Variants in SEMA5A observed in about 807,000 individuals in gnomAD.
SEMA5A encodes semaphorin-5A.
In SEMA5A, 55 loss-of-function variants were observed where a neutral mutation model predicts 135.5. That is an observed-to-expected ratio of 0.41 (90% CI 0.33 to 0.51). The LOEUF (loss-of-function observed/expected upper bound fraction) is 0.51, where lower values mean the gene tolerates loss of function less well. Ranked by LOEUF, SEMA5A falls within the 20% of genes least tolerant of loss-of-function variation. The pLI is 0.37. For synonymous variants in SEMA5A, 580 were observed against 546.5 expected (o/e 1.06, Z -0.85); for missense variants, 1,290 against 1,419.9 (o/e 0.91, Z 1.47).
chr5:9,501,272 G>C (rs1232782743), intron 1 of SEMA5A, among the ~76,000 whole-genome samples: 1 of 152,126 alleles, frequency 6.6e-6, no homozygotes, highest in Non-Finnish European at 1.5e-5. Flanking sequence ...GAAAACTAAA[G>C]TCTATGCTTA....
chr5:9,300,476 C>T (rs749845039), intron 5 of SEMA5A, among the ~76,000 whole-genome samples: 2 of 152,174 alleles, frequency 1.3e-5, no homozygotes, highest in Admixed American at 6.5e-5. Flanking sequence ...ACAAATCTTA[C>T]AGCCATAATA....
intron 5 of SEMA5A, among the ~76,000 whole-genome samples, chr5:9,285,445 A>G (rs10061591): frequency 0.01 from 1,572 of 152,312 alleles, 20 homozygotes; most frequent in African/African-American, 0.032. Flanking sequence ...TTCCTCCCCA[A>G]AGAAACATGG....
At chr5:9,101,356 C>A (rs1739623336) in intron 16 of SEMA5A, among the ~76,000 whole-genome samples, 1 of 152,166 alleles carries the variant, frequency 6.6e-6, no homozygotes, top group African/African-American at 2.4e-5. Flanking sequence ...CATCTCGCTT[C>A]TTTGCTCCAA....
At chr5:9,476,722 T>C (rs1759680234) in intron 1 of SEMA5A, among the ~76,000 whole-genome samples, 1 of 152,192 alleles carries the variant, frequency 6.6e-6, no homozygotes, top group Non-Finnish European at 1.5e-5. Flanking sequence ...TACTTTTCCA[T>C]CATCTTTACC....
intron 1 of SEMA5A, among the ~76,000 whole-genome samples, chr5:9,499,228 T>C (rs1423416559): frequency 6.6e-6 from 1 of 152,200 alleles, no homozygotes; most frequent in Non-Finnish European, 1.5e-5. Context: ...CAAACCTTTA[T>C]GGAGCACTTG....
chr5:9,403,243 T>C (rs1231005287), intron 2 of SEMA5A, among the ~76,000 whole-genome samples: 1 of 152,212 alleles, frequency 6.6e-6, no homozygotes, highest in African/African-American at 2.4e-5. Context: ...GTGATATAAC[T>C]GTTTATGAAT....
intron 13 of SEMA5A, among the ~76,000 whole-genome samples, chr5:9,135,676 G>C (rs558562116): frequency 6.6e-6 from 1 of 152,120 alleles, no homozygotes; most frequent in Admixed American, 6.5e-5. Flanking sequence ...CAGAACTGAT[G>C]GGCAGAGATC....
intron 3 of SEMA5A, among the ~76,000 whole-genome samples, chr5:9,365,210 T>A (rs1754862995): frequency 6.6e-6 from 1 of 152,204 alleles, no homozygotes; most frequent in Admixed American, 6.5e-5. Flanking sequence ...AGAACCTGAT[T>A]TTGTTAAACA....
intron 2 of SEMA5A, among the ~76,000 whole-genome samples, chr5:9,418,241 G>C (rs1311750501): frequency 6.6e-6 from 1 of 152,162 alleles, no homozygotes; most frequent in African/African-American, 2.4e-5. Context: ...CTCCCAAAGT[G>C]CTGGGATTAC....
At chr5:9,136,657 G>A (rs201922245) in intron 12 of SEMA5A, 36 bp from the exon 13 acceptor site, 90 of 1,548,374 alleles carry the variant, frequency 5.8e-5, no homozygotes, top group East Asian at 2.0e-4. Flanking sequence ...CAGAAAGGTC[G>A]CTTTACCCAT....
At chr5:9,189,402 A>G (rs1178820453) in intron 11 of SEMA5A, among the ~76,000 whole-genome samples, 1 of 152,218 alleles carries the variant, frequency 6.6e-6, no homozygotes, top group Non-Finnish European at 1.5e-5. Flanking sequence ...CATGAAAAAA[A>G]AAAAAAAAAC....
At chr5:9,497,277 G>T (rs1735350676) in intron 1 of SEMA5A, among the ~76,000 whole-genome samples, 1 of 152,132 alleles carries the variant, frequency 6.6e-6, no homozygotes, top group East Asian at 1.9e-4. Context: ...CATCACCATT[G>T]TTCATCTTGC....
intron 16 of SEMA5A, among the ~76,000 whole-genome samples, chr5:9,093,421 C>G (rs1739142263): frequency 6.6e-6 from 1 of 152,118 alleles, no homozygotes; most frequent in South Asian, 2.1e-4. Flanking sequence ...GCTAAAAGAA[C>G]TGAATGGCCG....
chr5:9,164,617 C>T (rs1743505570), intron 11 of SEMA5A, among the ~76,000 whole-genome samples: 2 of 152,038 alleles, frequency 1.3e-5, no homozygotes, highest in South Asian at 2.1e-4. Flanking sequence ...GGACGTATAA[C>T]ATTTTGCAAA....
chr5:9,096,554 C>CTGTGTGTGTGTG lies in SEMA5A; in HGVS notation c.2073+11574_2073+11585dup, dbSNP rs56202626. Among the ~76,000 whole-genome samples the CTGTGTGTGTGTG allele has an allele frequency of 7.3e-3, 1,051 of 144,490 alleles. 4 individuals are homozygous for CTGTGTGTGTGTG. Among genetic ancestry groups the CTGTGTGTGTGTG allele is most frequent in the Middle Eastern group, 0.011 (3 of 280 alleles). 94.8% of individuals were successfully genotyped at this position (144,490 alleles called of 152,430 possible). On this transcript the variant is annotated intron_variant, in intron 16 of 22. Transcript: ENST00000382496. ...ATTTTTAAGGCTGTATAATATTCCA[C>CTGTGTGTGTGTG]TGTGTGTGTGTGTGTGTGTGTGTGT...
At chr5:9,183,830 T>C (rs1014194347) in intron 11 of SEMA5A, among the ~76,000 whole-genome samples, 4 of 152,258 alleles carry the variant, frequency 2.6e-5, no homozygotes, top group African/African-American at 9.6e-5. Flanking sequence ...GGTTGTCTGT[T>C]TTTGAAGTAG....
At chr5:9,073,847 G>T (rs1737902402) in intron 16 of SEMA5A, among the ~76,000 whole-genome samples, 1 of 151,828 alleles carries the variant, frequency 6.6e-6, no homozygotes, top group Non-Finnish European at 1.5e-5. Context: ...AATTTTAAAA[G>T]AACACTACTT....
At chr5:9,452,835 T>C (rs1315719694) in intron 1 of SEMA5A, among the ~76,000 whole-genome samples, 1 of 152,042 alleles carries the variant, frequency 6.6e-6, no homozygotes, top group African/African-American at 2.4e-5. Flanking sequence ...CCAACGACAA[T>C]AATGCCATCA....
chr5:9,496,786 T>C (rs1182293690), intron 1 of SEMA5A, among the ~76,000 whole-genome samples: 2 of 152,174 alleles, frequency 1.3e-5, no homozygotes, highest in Admixed American at 6.5e-5. Context: ...AGGGACTGCC[T>C]CGATTTTTCA....
Sources: gnomAD v4.1 joint callset for allele counts (sites outside exome capture counted in the v4.1 genomes callset) on GRCh38, gnomAD v4.1.1 for gene constraint, MANE v1.5 for transcripts, NCBI Gene and HGNC (gene_info 2026-07-23, HGNC 2026-07-21) for gene names.